The following ERG variants were observed in gnomAD, a reference collection of about 807,000 sequenced individuals.
ERG encodes the protein transcriptional regulator ERG.
ERG carries 9 observed loss-of-function variants against 55.3 expected under a neutral mutation model. The ratio of observed to expected loss-of-function variants is 0.16; its 90% CI spans 0.10 to 0.28. ERG has a LOEUF of 0.28. ERG is among the 10% of genes least tolerant of loss of function. The probability of loss-of-function intolerance (pLI) is 1.00; values close to 1 mark genes in which losing one functional copy is unlikely to be tolerated. For synonymous variants in ERG, 223 were observed against 237.3 expected, an observed-to-expected ratio of 0.94 and a Z score of 0.55; for missense variants, 434 against 631.6, an observed-to-expected ratio of 0.69 and a Z score of 3.35.
intron 1 of ERG, among the ~76,000 whole-genome samples, chr21:38,590,350 G>A (rs906207338): frequency 1.3e-5 from 2 of 152,176 alleles, no homozygotes; most frequent in African/African-American, 4.8e-5. Flanking sequence ...AAAGGTGGAG[G>A]AAATAGATGA....
At chr21:38,424,191 T>G (rs942791378) in intron 2 of ERG, among the ~76,000 whole-genome samples, 9 of 106,182 alleles carry the variant, frequency 8.5e-5, no homozygotes, top group African/African-American at 2.6e-4. Context: ...GCTCGAGCTC[T>G]CTCTCTCTCT....
intron 2 of ERG, among the ~76,000 whole-genome samples, chr21:38,424,745 T>C (rs916949551): frequency 6.6e-6 from 1 of 152,144 alleles, no homozygotes; most frequent in Non-Finnish European, 1.5e-5. Context: ...CATATGGAGC[T>C]TTGAAGACTC....
intron 1 of ERG, among the ~76,000 whole-genome samples, chr21:38,482,683 C>CT (rs35326459): frequency 0.16 from 23,109 of 145,852 alleles, 1,896 homozygotes; most frequent in East Asian, 0.38. Flanking sequence ...ATCATTTAGC[C>CT]TTTTTTTTTT....
Position 38,495,478 on chromosome 21 carries a change from C to T in ERG, c.18+2885G>A, listed in dbSNP as rs1387361362. Among the ~76,000 whole-genome samples the T allele has an allele frequency of 3.3e-5, 5 of 152,186 alleles. No individual in the cohort carries two copies. In the East Asian group the frequency reaches 7.7e-4, roughly 23 times the overall value. Reference sequence around the variant, plus strand: ...AGATGCTTTCCCCTGATGCTGCTGCCGGCTGCTGGCTCTCTCCACATCCTT... The same window carrying T: ...AGATGCTTTCCCCTGATGCTGCTGCTGGCTGCTGGCTCTCTCCACATCCTT... On this transcript the variant is annotated intron_variant, in intron 1 of 9. Transcript: ENST00000288319.
At chr21:38,423,613 T>G (rs1188510624) in intron 2 of ERG, 52 bp from the exon 3 acceptor site, 2 of 1,536,034 alleles carry the variant, frequency 1.3e-6, no homozygotes, top group African/African-American at 1.4e-5. Context: ...AGAGCATGTC[T>G]CCATCGACTT....
chr21:38,583,774 C>T (rs998021959), intron 1 of ERG, among the ~76,000 whole-genome samples: 3 of 152,122 alleles, frequency 2.0e-5, no homozygotes, highest in Non-Finnish European at 4.4e-5. Context: ...TATAGAAGGA[C>T]GATGGTGTGA....
At chr21:38,433,496 T>C (rs2146529832) in intron 2 of ERG, among the ~76,000 whole-genome samples, 1 of 152,332 alleles carries the variant, frequency 6.6e-6, no homozygotes, top group South Asian at 2.1e-4. Context: ...TAAAATTTGG[T>C]CTTTAGTCTT....
chr21:38,536,879 G>A (rs182667223), intron 2 of ERG, among the ~76,000 whole-genome samples: 1 of 152,262 alleles, frequency 6.6e-6, no homozygotes, highest in East Asian at 1.9e-4. Context: ...ATTTATGGCT[G>A]ACAAAATCTC....
intron 1 of ERG, among the ~76,000 whole-genome samples, chr21:38,598,283 C>T (rs544909275): frequency 7.9e-5 from 12 of 152,324 alleles, no homozygotes; most frequent in African/African-American, 2.4e-4. Context: ...GCCCCATGCC[C>T]CATTCCTGGA....
chr21:38,512,075 C>T (rs1258086038), intron 2 of ERG, among the ~76,000 whole-genome samples: 1 of 152,128 alleles, frequency 6.6e-6, no homozygotes, highest in Non-Finnish European at 1.5e-5. Flanking sequence ...ATAGATTGAC[C>T]TGAAAAAATC....
At chr21:38,588,472 C>T (rs2146889571), upstream of ERG, among the ~76,000 whole-genome samples, 1 of 152,288 alleles carries the variant, frequency 6.6e-6, no homozygotes, top group Middle Eastern at 3.4e-3. Flanking sequence ...ATGGCCAAAG[C>T]TGAACACATC....
At chr21:38,613,981 C>T (rs1206011761) in intron 1 of ERG, among the ~76,000 whole-genome samples, 2 of 152,212 alleles carry the variant, frequency 1.3e-5, no homozygotes, top group Admixed American at 1.3e-4. Context: ...TTCAGAAATA[C>T]AGCACCATGG....
chr21:38,546,935 A>G (rs567083624), intron 2 of ERG, among the ~76,000 whole-genome samples: 1 of 152,322 alleles, frequency 6.6e-6, no homozygotes, highest in African/African-American at 2.4e-5. Flanking sequence ...TGGCAGGATG[A>G]ATCAGTTATG....
At chr21:38,637,773 T>C (rs2060399075) in intron 1 of ERG, among the ~76,000 whole-genome samples, 1 of 152,172 alleles carries the variant, frequency 6.6e-6, no homozygotes, top group African/African-American at 2.4e-5. Flanking sequence ...GTCTTTTTCT[T>C]ATCTGTTAGT....
intron 1 of ERG, among the ~76,000 whole-genome samples, chr21:38,601,140 G>C (rs992827476): frequency 6.6e-6 from 1 of 152,176 alleles, no homozygotes; most frequent in Non-Finnish European, 1.5e-5. Context: ...GGATTGACAG[G>C]ATGGAACGGT....
chr21:38,453,819 G>C (rs550338028), intron 1 of ERG, among the ~76,000 whole-genome samples: 1 of 150,742 alleles, frequency 6.6e-6, no homozygotes, highest in Admixed American at 6.7e-5. Context: ...GGGAGGGGGA[G>C]GCTGCAGTGA....
intron 3 of ERG, among the ~76,000 whole-genome samples, chr21:38,422,444 A>G (rs1989591929): frequency 6.6e-6 from 1 of 152,194 alleles, no homozygotes; most frequent in Non-Finnish European, 1.5e-5. Context: ...AAGTTGGTGG[A>G]CCTCTCTGAA....
intron 1 of ERG, among the ~76,000 whole-genome samples, chr21:38,631,653 T>C (rs1320727853): frequency 1.3e-5 from 2 of 152,168 alleles, no homozygotes; most frequent in African/African-American, 2.4e-5. Flanking sequence ...TGCATTACTG[T>C]GTGCACACCT....
intron 1 of ERG, among the ~76,000 whole-genome samples, chr21:38,577,194 C>T (rs1056010875): frequency 6.6e-6 from 1 of 152,158 alleles, no homozygotes. Flanking sequence ...TGAAAGCATT[C>T]ACAGGAGTCC....
Sources: allele counts gnomAD v4.1 joint callset (sites outside exome capture counted in the v4.1 genomes callset), GRCh38; gene constraint gnomAD v4.1.1; transcripts MANE v1.5; gene names NCBI Gene and HGNC (gene_info 2026-07-23, HGNC 2026-07-21).